The following GPM6B variants were observed in gnomAD, a reference collection of about 807,000 sequenced individuals.
GPM6B encodes neuronal membrane glycoprotein M6-b.
In GPM6B, 4 loss-of-function variants were observed where a neutral mutation model predicts 27.2. That is an observed-to-expected ratio of 0.15 (90% CI 0.07 to 0.34). GPM6B has a LOEUF of 0.34. Ranked by LOEUF, GPM6B falls within the 10% of genes least tolerant of loss-of-function variation. The probability of loss-of-function intolerance (pLI) is 1.00; values close to 1 mark genes in which losing one functional copy is unlikely to be tolerated. For synonymous variants in GPM6B, 124 were observed against 103.1 expected (o/e 1.20, Z -1.23); for missense variants, 183 against 261.9 (o/e 0.70, Z 2.08).
intron 1 of GPM6B, among the ~76,000 whole-genome samples, chrX:13,930,613 C>CA (rs143684071): frequency 0.17 from 13,618 of 78,535 alleles, 771 homozygotes; most frequent in Admixed American, 0.23. Context: ...GACTCCGTCT[C>CA]AAAAAAAAAA....
Position 13,838,346 on chromosome X carries a change from A to AGAG in GPM6B, c.-197-52541_-197-52539dup, listed in dbSNP as rs1460511758. 7.1e-5 allele frequency among the ~76,000 whole-genome samples: 8 copies of AGAG among 112,084 alleles called. No homozygotes were observed. In the East Asian group the frequency reaches 2.2e-3, roughly 31 times the overall value. ...ACAAAATCAATCTAGTACATCTTTA[A>AGAG]GAGTCCAGCAAAAGAAATGATTTGT... On this transcript the variant is annotated intron_variant, in intron 1 of 6. Coordinates refer to the GPM6B transcript ENST00000398361.
At chrX:13,837,503 G>T (rs1465615602) in intron 1 of GPM6B, among the ~76,000 whole-genome samples, 1 of 111,302 alleles carries the variant, frequency 9.0e-6, no homozygotes, top group Non-Finnish European at 1.9e-5. Flanking sequence ...GTGACTGGAG[G>T]TGCCACCCTA....
intron 7 of GPM6B, 162 bp downstream of exon 7, chrX:13,776,076 T>C: frequency 6.2e-6 from 3 of 481,586 alleles, no homozygotes; most frequent in African/African-American, 2.3e-5. Flanking sequence ...ACTAATACTT[T>C]CTGTAAACTA....
intron 1 of GPM6B, among the ~76,000 whole-genome samples, chrX:13,930,487 A>G (rs1291766506): frequency 9.0e-6 from 1 of 111,419 alleles, no homozygotes; most frequent in Non-Finnish European, 1.9e-5. Context: ...GGTTGTGGGC[A>G]CCTGTAGTCC....
intron 1 of GPM6B, among the ~76,000 whole-genome samples, chrX:13,880,522 A>G (rs2050084331): frequency 9.2e-6 from 1 of 108,212 alleles, no homozygotes; most frequent in African/African-American, 3.4e-5. Flanking sequence ...TAAAAATACA[A>G]AAAATTAGCC....
intron 1 of GPM6B, among the ~76,000 whole-genome samples, chrX:13,842,842 T>C (rs764225949): frequency 2.9e-4 from 33 of 112,437 alleles, no homozygotes; most frequent in African/African-American, 9.4e-4. Flanking sequence ...GGACACAGCA[T>C]AAAATAATGT....
intron 1 of GPM6B, among the ~76,000 whole-genome samples, chrX:13,928,771 G>C (rs752743100): frequency 2.7e-5 from 3 of 112,014 alleles, no homozygotes; most frequent in Non-Finnish European, 5.6e-5. Context: ...ATACAATATA[G>C]CAGGTTTTCT....
rs2048597741 is a variant in GPM6B at position 13,785,665 on chromosome X, G to A, written c.325C>T (p.His109Tyr). The A allele has an allele frequency of 1.7e-6, 2 of 1,211,782 alleles. No homozygotes were observed. Among genetic ancestry groups the A allele is most frequent in the Non-Finnish European group, 2.2e-6 (2 of 895,415 alleles). Residue 109 changes from histidine (H) to tyrosine (Y), a missense_variant, in exon 3 of 8, where the codon CAC (histidine) becomes TAC (tyrosine). By Grantham distance (83) the His-to-Tyr change is moderately conservative. Transcript: ENST00000316715. ...LAGTVAILEQ[H>Y]FSTNASDHAL... ...TGGTCACTGGCGTTGGTGGAGAAGT[G>A]TTGCTCAAGAATCGCCACGGTGCCT...
intron 1 of GPM6B, among the ~76,000 whole-genome samples, chrX:13,886,719 TAAA>T (rs5901522): frequency 0.026 from 915 of 35,090 alleles, 21 homozygotes; most frequent in South Asian, 0.11. Context: ...AAGTCACTAC[TAAA>T]AAAAAAAAAA....
At chrX:13,873,117 G>T (rs2049997206) in intron 1 of GPM6B, among the ~76,000 whole-genome samples, 1 of 103,602 alleles carries the variant, frequency 9.7e-6, no homozygotes, top group African/African-American at 3.5e-5. Flanking sequence ...ATGAAGAAAA[G>T]CTTTGGCCTG....
intron 2 of GPM6B, 127 bp from the exon 3 acceptor site, chrX:13,785,935 T>C: frequency 3.8e-6 from 2 of 520,858 alleles, no homozygotes; most frequent in Non-Finnish European, 3.1e-6. Context: ...TGGTTAATAT[T>C]AATACTTCGA....
At chrX:13,870,384 A>G (rs1242572767) in intron 1 of GPM6B, among the ~76,000 whole-genome samples, 4 of 112,503 alleles carry the variant, frequency 3.6e-5, no homozygotes, top group Non-Finnish European at 7.5e-5. Flanking sequence ...CCTTTTAAAC[A>G]TACACATTCC....
At chrX:13,903,351 C>T (rs1033764504) in intron 1 of GPM6B, among the ~76,000 whole-genome samples, 6 of 112,071 alleles carry the variant, frequency 5.4e-5, no homozygotes, top group Non-Finnish European at 7.5e-5. Flanking sequence ...ATGCACCAGG[C>T]ACCACTCCAG....
intron 1 of GPM6B, among the ~76,000 whole-genome samples, chrX:13,905,035 G>T (rs2050315377): frequency 9.2e-6 from 1 of 108,270 alleles, no homozygotes. Flanking sequence ...AGGAGTTTGA[G>T]ACCAGCCTGG....
chrX:13,886,722 A>AAAAAAAAAAAAAAAAC (rs2050139956), intron 1 of GPM6B, among the ~76,000 whole-genome samples: 1 of 96,880 alleles, frequency 1.0e-5, no homozygotes, highest in Admixed American at 1.1e-4. Flanking sequence ...TCACTACTAA[A>AAAAAAAAAAAAAAAAC]AAAAAAAAAA....
At chrX:13,783,873 T>C in intron 3 of GPM6B, 1 of 347,474 alleles carries the variant, frequency 2.9e-6, no homozygotes, top group Non-Finnish European at 5.5e-6. Context: ...GGATACACAG[T>C]TAGTGGCAAA....
At chrX:13,824,876 A>G (rs1026840522) in intron 1 of GPM6B, among the ~76,000 whole-genome samples, 3 of 112,107 alleles carry the variant, frequency 2.7e-5, no homozygotes, top group African/African-American at 9.7e-5. Flanking sequence ...TGGAGCTGAG[A>G]AGTCCAAAGT....
At chrX:13,929,718 G>A (rs1422169667) in intron 1 of GPM6B, among the ~76,000 whole-genome samples, 1 of 111,520 alleles carries the variant, frequency 9.0e-6, no homozygotes, top group Non-Finnish European at 1.9e-5. Flanking sequence ...ACAACATGTA[G>A]TATGTAGAGA....
chrX:13,915,690 A>G (rs190787738), intron 1 of GPM6B, among the ~76,000 whole-genome samples: 1 of 112,910 alleles, frequency 8.9e-6, no homozygotes, highest in Non-Finnish European at 1.9e-5. Flanking sequence ...TTGCGCGTAT[A>G]TATGTATCAT....
Sources: allele counts gnomAD v4.1 joint callset (sites outside exome capture counted in the v4.1 genomes callset), GRCh38; gene constraint gnomAD v4.1.1; transcripts MANE v1.5; gene names NCBI Gene and HGNC (gene_info 2026-07-23, HGNC 2026-07-21).